Variants in FAT3 observed in about 807,000 individuals in gnomAD.
The protein encoded by FAT3 is protocadherin Fat 3.
In FAT3, 95 loss-of-function variants were observed where a neutral mutation model predicts 310.2. The observed-to-expected ratio is 0.31, with a 90% CI of 0.26 to 0.36. The LOEUF (loss-of-function observed/expected upper bound fraction) is 0.36. Among genes scored for constraint, FAT3 ranks in the 10% least tolerant of loss-of-function variants. The probability of loss-of-function intolerance (pLI) is 1.00; values close to 1 mark genes in which losing one functional copy is unlikely to be tolerated. For missense variants in FAT3, 5,408 were observed against 5,715.6 expected (o/e 0.95, Z 1.74); for synonymous variants, 2,314 against 2,192.9 (o/e 1.06, Z -1.54).
chr11:92,315,630 C>T (rs759219901), intron 1 of FAT3, among the ~76,000 whole-genome samples: 15 of 150,190 alleles, frequency 1.0e-4, no homozygotes, highest in Non-Finnish European at 2.2e-4. Flanking sequence ...CTCAAGTGAT[C>T]CTCCCGCCTC....
At chr11:92,594,208 C>T (rs143893461) in intron 3 of FAT3, among the ~76,000 whole-genome samples, 2,699 of 152,186 alleles carry the variant, frequency 0.018, 71 homozygotes, top group African/African-American at 0.058. Flanking sequence ...TTTGGGAGGC[C>T]GAGGCCGGCA....
intron 2 of FAT3, among the ~76,000 whole-genome samples, chr11:92,483,320 CT>C (rs796728300): frequency 8.0e-5 from 12 of 149,088 alleles, no homozygotes; most frequent in Non-Finnish European, 1.0e-4. Context: ...TCTGTTATTT[CT>C]TTTTTTTTTC....
At chr11:92,873,503 G>T (rs1356222997) in intron 22 of FAT3, among the ~76,000 whole-genome samples, 1 of 152,152 alleles carries the variant, frequency 6.6e-6, no homozygotes, top group East Asian at 1.9e-4. Context: ...TGGCAAGCAG[G>T]GTAGAGCGTT....
chr11:92,878,650 A>AAAAAAAAAAAAAAAAAAAAAC (rs1949594097), intron 22 of FAT3, among the ~76,000 whole-genome samples: 1 of 135,812 alleles, frequency 7.4e-6, no homozygotes, highest in African/African-American at 3.0e-5. Context: ...AAAAAAAAAA[A>AAAAAAAAAAAAAAAAAAAAAC]AAAAAAAAAA....
intron 3 of FAT3, among the ~76,000 whole-genome samples, chr11:92,684,603 G>T (rs1461032825): frequency 6.6e-6 from 1 of 152,136 alleles, no homozygotes; most frequent in Non-Finnish European, 1.5e-5. Flanking sequence ...AAATTTAGGA[G>T]TCGAACAGAT....
At position 92,550,786 on chromosome 11, in the gene FAT3, T is replaced by TTTA. The variant is rs398017108; in HGVS notation, c.3607+25838_3607+25839insTTA. Among the ~76,000 whole-genome samples the TTTA allele has an allele frequency of 2.7e-4, 40 of 150,748 alleles. No homozygotes were observed. In the East Asian group the frequency reaches 3.3e-3, roughly 12 times the overall value. On this transcript the variant is annotated intron_variant, in intron 3 of 27. Transcript: ENST00000525166. Reference sequence around the variant, plus strand: ...CACATTTATCTTTTTTTTTTTTTTTTAAAAGAGAGTGTTTTGTGTGCAAGT... The same window carrying TTTA: ...CACATTTATCTTTTTTTTTTTTTTTTTTAAAAAGAGAGTGTTTTGTGTGCAAGT...
intron 3 of FAT3, among the ~76,000 whole-genome samples, chr11:92,563,806 G>A (rs932410339): frequency 2.0e-5 from 3 of 152,008 alleles, no homozygotes; most frequent in African/African-American, 7.2e-5. Flanking sequence ...AAATGAAGGA[G>A]AAATAAAATA....
chr11:92,878,649 AAAAAAAAAAAAAAAAAAAG>A (rs1049494222), intron 22 of FAT3, among the ~76,000 whole-genome samples: 2 of 132,254 alleles, frequency 1.5e-5, no homozygotes, highest in African/African-American at 6.4e-5. Context: ...AAAAAAAAAA[AAAAAAAAAAAAAAAAAAAG>A]CTCCGCACAA....
chr11:92,539,964 T>C (rs866860717), intron 3 of FAT3, among the ~76,000 whole-genome samples: 10 of 152,316 alleles, frequency 6.6e-5, no homozygotes, highest in Middle Eastern at 6.8e-3. Context: ...TGTCACTGTC[T>C]GGAAATTCTT....
At chr11:92,271,479 C>T (rs184961534) in intron 1 of FAT3, among the ~76,000 whole-genome samples, 9 of 152,186 alleles carry the variant, frequency 5.9e-5, no homozygotes, top group African/African-American at 1.4e-4. Context: ...TCATTTATTT[C>T]GTTTTCTTCA....
At chr11:92,703,686 C>T (rs148731366) in intron 4 of FAT3, among the ~76,000 whole-genome samples, 146 of 152,354 alleles carry the variant, frequency 9.6e-4, no homozygotes, top group South Asian at 1.7e-3. Flanking sequence ...AATAGATATG[C>T]ACTCTTTCTG....
intron 3 of FAT3, among the ~76,000 whole-genome samples, chr11:92,570,054 G>A (rs565115060): frequency 5.3e-5 from 8 of 152,288 alleles, no homozygotes; most frequent in Non-Finnish European, 8.8e-5. Flanking sequence ...TGAGAACTGA[G>A]GTCAGTGTTT....
At chr11:92,867,935 G>C (rs1195006662) in intron 22 of FAT3, among the ~76,000 whole-genome samples, 7 of 151,884 alleles carry the variant, frequency 4.6e-5, no homozygotes, top group African/African-American at 1.5e-4. Context: ...GATTTATAGA[G>C]AGTTTCTTTT....
chr11:92,421,566 A>C (rs888291385), intron 2 of FAT3, among the ~76,000 whole-genome samples: 2 of 152,212 alleles, frequency 1.3e-5, no homozygotes, highest in African/African-American at 4.8e-5. Flanking sequence ...TGAAATTTGC[A>C]TGAGCAACTT....
chr11:92,790,685 A>C (rs1207240286), intron 8 of FAT3, among the ~76,000 whole-genome samples: 2 of 152,220 alleles, frequency 1.3e-5, no homozygotes, highest in East Asian at 3.8e-4. Flanking sequence ...CTAGTAGTAA[A>C]TACTGGCACA....
At chr11:92,665,333 A>G (rs762070292) in intron 3 of FAT3, among the ~76,000 whole-genome samples, 15 of 152,216 alleles carry the variant, frequency 9.9e-5, no homozygotes, top group Non-Finnish European at 1.9e-4. Context: ...GTACAGAAAA[A>G]TGACTCCAGT....
At chr11:92,673,441 G>C (rs1943192858) in intron 3 of FAT3, among the ~76,000 whole-genome samples, 11 of 152,172 alleles carry the variant, frequency 7.2e-5, no homozygotes, top group Admixed American at 7.2e-4. Context: ...ACTCATGGTA[G>C]AGTTCAGGCA....
intron 4 of FAT3, among the ~76,000 whole-genome samples, chr11:92,751,200 G>A (rs898096228): frequency 7.9e-5 from 12 of 152,312 alleles, no homozygotes; most frequent in African/African-American, 2.9e-4. Context: ...TGATGGTTAG[G>A]AGCACAGACC....
At chr11:92,719,996 A>G (rs1336129681) in intron 4 of FAT3, among the ~76,000 whole-genome samples, 1 of 152,116 alleles carries the variant, frequency 6.6e-6, no homozygotes, top group South Asian at 2.1e-4. Flanking sequence ...TAGCACGTTT[A>G]AAGGGATCAA....
Sources: gnomAD v4.1 joint callset for allele counts (sites outside exome capture counted in the v4.1 genomes callset) on GRCh38, gnomAD v4.1.1 for gene constraint, MANE v1.5 for transcripts, NCBI Gene and HGNC (gene_info 2026-07-23, HGNC 2026-07-21) for gene names.